USP13: variants seen among roughly 807,000 people sequenced by gnomAD.
The protein encoded by USP13 is ubiquitin carboxyl-terminal hydrolase 13.
USP13 carries 68 observed loss-of-function variants against 107.8 expected under a neutral mutation model. The observed-to-expected ratio is 0.63, with a 90% CI of 0.52 to 0.77. USP13 has a LOEUF of 0.77. USP13 is among the 30% of genes least tolerant of loss of function. The pLI is 0.00. For missense variants in USP13, 945 were observed against 1,093.3 expected (o/e 0.86, Z 1.91); for synonymous variants, 377 against 389.5 (o/e 0.97, Z 0.38).
chr3:179,731,821 A>G (rs1260340699), intron 10 of USP13, among the ~76,000 whole-genome samples: 1 of 152,128 alleles, frequency 6.6e-6, no homozygotes, highest in African/African-American at 2.4e-5. Flanking sequence ...CTGGCTTCCT[A>G]GTATCCTGTC....
At chr3:179,750,769 C>T (rs983009200) in intron 13 of USP13, among the ~76,000 whole-genome samples, 7 of 152,258 alleles carry the variant, frequency 4.6e-5, no homozygotes, top group East Asian at 1.9e-4. Flanking sequence ...GAACATTGCA[C>T]GGCCTGGCAG....
chr3:179,701,063 C>T lies in USP13; in HGVS notation c.411C>T (p.Ala137=), dbSNP rs370081055. Residue 137 remains alanine, a synonymous_variant, in exon 4 of 21, where the codon GCC becomes GCT. Coordinates refer to ENST00000263966, the MANE Select transcript of USP13 (RefSeq NM_003940.3). ...ACGATTATGAATATGAAGATGAAGC[C>T]AAACTTGTTATATTCCCAGATCACT... ...NSDDYEYEDE[A]KLVIFPDHYE... The T allele has an allele frequency of 4.3e-5, 70 of 1,613,814 alleles. No individual in the cohort carries two copies. The highest frequency in any genetic ancestry group is 5.3e-5 in the Non-Finnish European group (63 of 1,180,004).
Position 179,776,808 on chromosome 3 carries a change from A to G in USP13, c.2414-4931A>G, listed in dbSNP as rs1200605715. On this transcript the variant is annotated intron_variant, in intron 19 of 20. Transcript: ENST00000263966. ...CAAAATTTTGACTTTCATCAGAAAA[A>G]CTTAAATATTTTTTAGTGTGTGTTT... is the stretch of plus-strand genomic sequence containing the variant. Among the ~76,000 whole-genome samples the G allele has an allele frequency of 2.6e-5, 4 of 151,198 alleles. No homozygotes were observed. In the East Asian group the frequency reaches 7.7e-4, roughly 29 times the overall value.
At position 179,764,021 on chromosome 3, in the gene USP13, C is replaced by T; in HGVS notation, c.2112C>T (p.Thr704=). The T allele has an allele frequency of 3.7e-6, 6 of 1,613,004 alleles. No homozygotes were observed. The highest frequency in any genetic ancestry group is 5.1e-6 in the Non-Finnish European group (6 of 1,179,644). The change falls in exon 18 of 21, where the codon ACC becomes ACT. Residue 704 remains threonine (T), a synonymous_variant. Coordinates refer to ENST00000263966, the MANE Select transcript of USP13 (RefSeq NM_003940.3). ...TCTCAGATTTTGCTGAGCCGCTGAC[C>T]ATGCCTGGTTATGGAGGGGCAGCTT... ...MEEPDFAEPL[T]MPGYGGAASA... is the part of the protein sequence containing the mutation.
intron 19 of USP13, among the ~76,000 whole-genome samples, chr3:179,779,078 C>T (rs1715650746): frequency 6.6e-6 from 1 of 151,854 alleles, no homozygotes; most frequent in African/African-American, 2.4e-5. Context: ...GAGGAGGAGC[C>T]CGGAGGCCAA....
intron 3 of USP13, among the ~76,000 whole-genome samples, chr3:179,696,275 ATACTT>A (rs1181740569): frequency 6.6e-6 from 1 of 151,660 alleles, no homozygotes; most frequent in Non-Finnish European, 1.5e-5. Flanking sequence ...TAGAACATAA[ATACTT>A]AACCAAGTTT....
chr3:179,724,967 C>T (rs1713460050), intron 8 of USP13, among the ~76,000 whole-genome samples: 2 of 152,172 alleles, frequency 1.3e-5, no homozygotes, highest in South Asian at 4.1e-4. Flanking sequence ...TGCCTGTAAT[C>T]CCAGCACTTT....
chr3:179,709,132 A>G (rs1712833503), intron 6 of USP13, among the ~76,000 whole-genome samples, 175 bp downstream of exon 6: 1 of 152,130 alleles, frequency 6.6e-6, no homozygotes, highest in Admixed American at 6.5e-5. Flanking sequence ...TAATCTCCCT[A>G]AGCTTTAGAA....
At chr3:179,746,572 A>T (rs1012529275) in intron 13 of USP13, among the ~76,000 whole-genome samples, 5 of 151,986 alleles carry the variant, frequency 3.3e-5, no homozygotes, top group African/African-American at 1.2e-4. Flanking sequence ...AGCTGGGATT[A>T]CAGGCCTGTG....
rs1327119271 is a variant in USP13 at position 179,673,194 on chromosome 3, C to G, written c.169-8684C>G. ...ATTTTGAGAATTCCCATTGTTTAGT[C>G]GTGCCAGAGACTTTAAGTGGAAGCT... On this transcript the variant is annotated intron_variant, in intron 1 of 20. Transcript: ENST00000263966. Among the ~76,000 whole-genome samples the G allele has an allele frequency of 2.0e-5, 3 of 152,084 alleles. No individual in the cohort carries two copies. The East Asian group carries it at 5.8e-4, about 29-fold the overall frequency.
In USP13 at chr3:179,706,923, T is replaced by C. The variant is rs777349568; in HGVS notation, c.478-11T>C. 8 of 1,605,824 alleles carry C rather than the reference T, an allele frequency of 5.0e-6. No homozygotes were observed. Among genetic ancestry groups the C allele is most frequent in the Non-Finnish European group, 5.9e-6 (7 of 1,177,602 alleles). On this transcript the variant is annotated splice_polypyrimidine_tract_variant and intron_variant, in intron 4 of 20. Transcript: ENST00000263966. ...CTGTTTTTATATATTACATCTGGGT[T>C]TGTCTTATAGGTAACAATTGCTTGT...
chr3:179,667,830 T>G (rs1720631306), intron 1 of USP13, among the ~76,000 whole-genome samples: 1 of 152,192 alleles, frequency 6.6e-6, no homozygotes, highest in Admixed American at 6.5e-5. Flanking sequence ...ATATTTTTAG[T>G]AGAGACGGGG....
Position 179,653,568 on chromosome 3 carries a change from C to A in USP13, c.168+175C>A, listed in dbSNP as rs1393472267. The A allele has an allele frequency of 1.1e-6, 1 of 897,476 alleles. No individual in the cohort carries two copies. The highest frequency in any genetic ancestry group is 1.8e-5 in the South Asian group (1 of 54,922). 55.6% of individuals were successfully genotyped at this position (897,476 alleles called of 1,614,324 possible). ...AGTGAGCGCCCCAGGGCTGCTGCAG[C>A]CGAGGACTGGCTCGTGCTGGTGGTT... On this transcript the variant is annotated intron_variant, in intron 1 of 20. Transcript: ENST00000263966. This position sits in a 1 kb window ranked among gnomAD's most constrained non-coding sequence, Gnocchi z 4.0.
At chr3:179,712,243 A>G (rs1712957475) in intron 6 of USP13, among the ~76,000 whole-genome samples, 1 of 152,216 alleles carries the variant, frequency 6.6e-6, no homozygotes, top group South Asian at 2.1e-4. Flanking sequence ...AAATTGCTAA[A>G]TAGAGTAACT....
chr3:179,688,078 T>TATCCATCC lies in USP13; in HGVS notation c.295-2150_295-2143dup, dbSNP rs370920027. On this transcript the variant is annotated intron_variant, in intron 2 of 20. Coordinates refer to ENST00000263966, the MANE Select transcript of USP13 (RefSeq NM_003940.3). ...CCTGTTTTACTCCCTGTAATCAGGATATCCATCCATCCATCCATCCGTCCA... is the reference window on the plus strand; with the variant it reads ...CCTGTTTTACTCCCTGTAATCAGGATATCCATCCATCCATCCATCCATCCATCCGTCCA... Among the ~76,000 whole-genome samples the TATCCATCC allele has an allele frequency of 1.9e-4, 17 of 87,342 alleles. 1 individual carries two copies. The highest frequency in any genetic ancestry group is 2.8e-4 in the African/African-American group (7 of 24,742). 57.3% of individuals were successfully genotyped at this position (87,342 alleles called of 152,430 possible). A position where few individuals can be genotyped will look rare whatever the true frequency, so the allele number is the denominator to read the frequency against.
chr3:179,721,706 T>A lies in USP13; in HGVS notation c.1088+117T>A, dbSNP rs1713326312. On this transcript the variant is annotated intron_variant, in intron 8 of 20. Transcript: ENST00000263966. This position sits in a 1 kb window ranked among gnomAD's most constrained non-coding sequence, Gnocchi z 4.3. ...ATTGCTTCAGGACATTTTGCCACCTTTTCTCTGGCCTGCCTTCTACAGAGA... is the reference window on the plus strand; with the variant it reads ...ATTGCTTCAGGACATTTTGCCACCTATTCTCTGGCCTGCCTTCTACAGAGA... 8.9e-7 allele frequency: 1 copy of A among 1,121,160 alleles called. No individual in the cohort carries two copies. Among genetic ancestry groups the A allele is most frequent in the Admixed American group, 2.6e-5 (1 of 38,342 alleles). The allele number at this position is 1,121,160 out of a possible 1,614,324, so 69.5% of individuals were successfully genotyped here. A position where few individuals can be genotyped will look rare whatever the true frequency, so the allele number is the denominator to read the frequency against.
In USP13 at chr3:179,653,603, C is replaced by A; in HGVS notation, c.168+210C>A. 1.5e-6 allele frequency: 1 copy of A among 648,496 alleles called. No individual in the cohort carries two copies. Among genetic ancestry groups the A allele is most frequent in the Non-Finnish European group, 2.5e-6 (1 of 400,754 alleles). The allele number at this position is 648,496 out of a possible 1,614,324, so 40.2% of individuals were successfully genotyped here. ...GCTCGTGCTGGTGGTTTTGCTCCGC[C>A]AGCCTCCCCAGGCTGGAAGGGCCCG... On this transcript the variant is annotated intron_variant, in intron 1 of 20. Coordinates refer to ENST00000263966, the MANE Select transcript of USP13 (RefSeq NM_003940.3). The surrounding 1 kb of genome is among the most constrained non-coding windows in gnomAD (Gnocchi z 4.0).
rs374351514 is a variant in USP13, at chr3:179,761,836, G to A, written c.2092+581G>A. On this transcript the variant is annotated intron_variant, in intron 17 of 20. Transcript: ENST00000263966. ...GGCAAAAAGACCAATAGAAAGATACGGGATATACTTCTAACTAAGCGATGA... is the reference window on the plus strand; with the variant it reads ...GGCAAAAAGACCAATAGAAAGATACAGGATATACTTCTAACTAAGCGATGA... Among the ~76,000 whole-genome samples, 7 of 152,254 alleles carry A rather than the reference G, an allele frequency of 4.6e-5. No homozygotes were observed. The East Asian group carries it at 1.2e-3, about 25-fold the overall frequency.
intron 19 of USP13, among the ~76,000 whole-genome samples, chr3:179,776,596 GT>G (rs1313625605): frequency 1.3e-5 from 2 of 152,152 alleles, no homozygotes; most frequent in African/African-American, 4.8e-5. Flanking sequence ...TTCAGACACA[GT>G]TTAATTCTGC....
Sources: gnomAD v4.1 joint callset for allele counts (sites outside exome capture counted in the v4.1 genomes callset) on GRCh38, gnomAD v4.1.1 for gene constraint, Gnocchi (gnomAD v3.1) non-coding constraint, MANE v1.5 for transcripts, NCBI Gene and HGNC (gene_info 2026-07-23, HGNC 2026-07-21) for gene names.